Variants in LYPLAL1 observed in about 807,000 individuals in gnomAD.
LYPLAL1 encodes the protein lysophospholipase like 1, also known as lysophospholipase-like protein 1.
A neutral mutation model predicts 19.7 loss-of-function variants in LYPLAL1; 23 were observed. The observed-to-expected ratio is 1.17, with a 90% CI of 0.84 to 1.65. LYPLAL1 has a LOEUF of 1.65. Among genes scored for constraint, LYPLAL1 ranks in the 40% most tolerant of loss-of-function variants. LYPLAL1 has a pLI of 0.00. For missense variants in LYPLAL1, 355 were observed against 279.4 expected (o/e 1.27, Z -1.93); for synonymous variants, 119 against 96.3 (o/e 1.24, Z -1.38).
chr1:219,279,379 G>C, the LYPLAL1 span, among the ~76,000 whole-genome samples: 2 of 152,186 alleles, frequency 1.3e-5, no homozygotes, highest in Admixed American at 1.3e-4. Flanking sequence ...ATGAACTGAG[G>C]TGTGGCAATT....
chr1:219,390,092 C>T, the LYPLAL1 span, among the ~76,000 whole-genome samples: 6 of 151,748 alleles, frequency 4.0e-5, no homozygotes, highest in Non-Finnish European at 8.8e-5. Context: ...TTTGTAGTCT[C>T]TAGGCTTCAT....
chr1:219,231,335 TG>T, the LYPLAL1 span, among the ~76,000 whole-genome samples: 1 of 152,182 alleles, frequency 6.6e-6, no homozygotes, highest in African/African-American at 2.4e-5. Context: ...TGTCCTAAAC[TG>T]TAAAACAATG....
At chr1:219,288,108 C>T in the LYPLAL1 span, among the ~76,000 whole-genome samples, 1 of 152,184 alleles carries the variant, frequency 6.6e-6, no homozygotes, top group African/African-American at 2.4e-5. Context: ...CCAGCGATCA[C>T]ACCTTGGTAT....
At chr1:219,220,768 C>T in the LYPLAL1 span, among the ~76,000 whole-genome samples, 23 of 152,170 alleles carry the variant, frequency 1.5e-4, no homozygotes, top group Admixed American at 9.2e-4. Context: ...GACTACTAGC[C>T]CATTGTTGAA....
chr1:219,373,882 CA>C, the LYPLAL1 span, among the ~76,000 whole-genome samples: 92,559 of 120,418 alleles, frequency 0.77, 35,086 homozygotes, highest in East Asian at 0.88. Flanking sequence ...AAAAAAAAAA[CA>C]AAAAAAAAAA....
chr1:219,386,063 G>C, the LYPLAL1 span, among the ~76,000 whole-genome samples: 1 of 152,274 alleles, frequency 6.6e-6, no homozygotes, highest in South Asian at 2.1e-4. Context: ...TGCCTGGAAA[G>C]GTGAAAAATT....
chr1:219,439,821 A>T, the LYPLAL1 span, among the ~76,000 whole-genome samples: 1 of 151,868 alleles, frequency 6.6e-6, no homozygotes, highest in Non-Finnish European at 1.5e-5. Flanking sequence ...TTATGATTAT[A>T]TAACAAAATT....
At chr1:219,385,739 A>T in the LYPLAL1 span, among the ~76,000 whole-genome samples, 1 of 152,164 alleles carries the variant, frequency 6.6e-6, no homozygotes, top group Non-Finnish European at 1.5e-5. Flanking sequence ...AATAAAGATA[A>T]ACAGAGTTAA....
At chr1:219,211,421 C>T in intron 4 of LYPLAL1, 71 bp from the exon 5 acceptor site, 1 of 1,064,430 alleles carries the variant, frequency 9.4e-7, no homozygotes, top group South Asian at 1.6e-5. Context: ...TTTTCCTGTT[C>T]TCTCTGATTT....
At chr1:219,312,943 G>T in the LYPLAL1 span, among the ~76,000 whole-genome samples, 1 of 152,162 alleles carries the variant, frequency 6.6e-6, no homozygotes, top group African/African-American at 2.4e-5. Flanking sequence ...TATGAATGAT[G>T]ATACTAATAA....
At chr1:219,400,048 T>A in the LYPLAL1 span, among the ~76,000 whole-genome samples, 14 of 152,124 alleles carry the variant, frequency 9.2e-5, no homozygotes, top group Admixed American at 9.2e-4. Context: ...GGTAAGAGCA[T>A]GTTGCTTCTT....
chr1:219,253,131 C>T, the LYPLAL1 span, among the ~76,000 whole-genome samples: 6 of 151,694 alleles, frequency 4.0e-5, no homozygotes, highest in South Asian at 4.2e-4. Context: ...ACAGTAGTAA[C>T]GTTCCCTTTG....
the LYPLAL1 span, among the ~76,000 whole-genome samples, chr1:219,443,503 T>C: frequency 6.6e-6 from 1 of 152,236 alleles, no homozygotes; most frequent in Non-Finnish European, 1.5e-5. Flanking sequence ...CATTTGATAA[T>C]ATAAGATGCT....
At chr1:219,297,023 T>C in the LYPLAL1 span, among the ~76,000 whole-genome samples, 15 of 152,332 alleles carry the variant, frequency 9.8e-5, no homozygotes, top group African/African-American at 3.6e-4. Context: ...AGATTTCTCC[T>C]TGTTTGAGGT....
chr1:219,329,307 A>T, the LYPLAL1 span, among the ~76,000 whole-genome samples: 10 of 152,216 alleles, frequency 6.6e-5, no homozygotes, highest in African/African-American at 1.4e-4. Flanking sequence ...AAGTCTTAAC[A>T]TGATACCTGA....
At chr1:219,430,517 A>G in the LYPLAL1 span, among the ~76,000 whole-genome samples, 1 of 152,202 alleles carries the variant, frequency 6.6e-6, no homozygotes, top group Non-Finnish European at 1.5e-5. Context: ...AGACTTAAGT[A>G]TTCAGTAAAT....
At chr1:219,336,289 C>T in the LYPLAL1 span, among the ~76,000 whole-genome samples, 1 of 151,436 alleles carries the variant, frequency 6.6e-6, no homozygotes, top group Non-Finnish European at 1.5e-5. Flanking sequence ...GTGAGCATAC[C>T]AAGGTTTAAT....
chr1:219,266,853 A>G, the LYPLAL1 span, among the ~76,000 whole-genome samples: 1 of 152,178 alleles, frequency 6.6e-6, no homozygotes, highest in African/African-American at 2.4e-5. Flanking sequence ...TCTTCAGTAA[A>G]GTACACTGAT....
chr1:219,385,403 A>C, the LYPLAL1 span, among the ~76,000 whole-genome samples: 6 of 152,166 alleles, frequency 3.9e-5, no homozygotes, highest in African/African-American at 1.4e-4. Flanking sequence ...ATGGGTTCAA[A>C]ATCTAATGCA....
Sources: gnomAD v4.1 joint callset for allele counts (sites outside exome capture counted in the v4.1 genomes callset) on GRCh38, gnomAD v4.1.1 for gene constraint, MANE v1.5 for transcripts, NCBI Gene and HGNC (gene_info 2026-07-23, HGNC 2026-07-21) for gene names.